Variants in ROBO1 observed in about 807,000 individuals in gnomAD.
ROBO1 encodes the protein roundabout guidance receptor 1.
A neutral mutation model predicts 195.9 loss-of-function variants in ROBO1; 149 were observed. The observed-to-expected ratio is 0.76, with a 90% CI of 0.67 to 0.87. The LOEUF (loss-of-function observed/expected upper bound fraction) is 0.87. ROBO1 is among the 40% of genes least tolerant of loss of function. The probability of loss-of-function intolerance (pLI) is 0.00; values close to 1 mark genes in which losing one functional copy is unlikely to be tolerated. For missense variants in ROBO1, 1,933 were observed against 2,068.3 expected (o/e 0.93, Z 1.27); for synonymous variants, 816 against 733.2 (o/e 1.11, Z -1.82).
chr3:79,362,170 A>C (rs1339242439), intron 2 of ROBO1, among the ~76,000 whole-genome samples: 1 of 152,138 alleles, frequency 6.6e-6, no homozygotes, highest in African/African-American at 2.4e-5. Flanking sequence ...TGTGTATCTA[A>C]GACACAGACA....
rs146960360 is a variant in ROBO1 at position 78,609,047 on chromosome 3, T to C, written c.4436-2006A>G. ...ACCAGAGATACAGGGATTTTGGAAT[T>C]ATCAGCATAGCTATGTTTTTAAGTC... is the stretch of plus-strand genomic sequence containing the variant. On this transcript the variant is annotated intron_variant, in intron 28 of 30. Coordinates refer to ENST00000464233, the MANE Select transcript of ROBO1 (RefSeq NM_002941.4). Among the ~76,000 whole-genome samples, 20 of 152,330 alleles carry C rather than the reference T, an allele frequency of 1.3e-4. No homozygotes were observed. In the East Asian group the frequency reaches 3.1e-3, roughly 24 times the overall value.
At chr3:79,612,034 TTA>T (rs1491051819) in intron 1 of ROBO1, among the ~76,000 whole-genome samples, 3 of 131,036 alleles carry the variant, frequency 2.3e-5, no homozygotes, top group South Asian at 2.2e-4. Flanking sequence ...TTTTTTTTTA[TTA>T]TTTTTTTATA....
chr3:79,436,349 A>AT (rs62797160), intron 2 of ROBO1, among the ~76,000 whole-genome samples: 331 of 150,060 alleles, frequency 2.2e-3, no homozygotes, highest in South Asian at 6.3e-3. Flanking sequence ...TTTGATTTGT[A>AT]TTTTTTTTTT....
At chr3:79,619,668 T>C (rs949331070) in intron 1 of ROBO1, among the ~76,000 whole-genome samples, 3 of 152,124 alleles carry the variant, frequency 2.0e-5, no homozygotes, top group African/African-American at 4.8e-5. Flanking sequence ...TTTTCTCTAT[T>C]GGACCTCTCC....
At chr3:79,318,038 G>A (rs962485681) in intron 2 of ROBO1, among the ~76,000 whole-genome samples, 1 of 152,316 alleles carries the variant, frequency 6.6e-6, no homozygotes, top group East Asian at 1.9e-4. Context: ...GCAGGTTGCT[G>A]TAGAAACAGG....
chr3:78,911,915 C>T (rs2038267934), intron 4 of ROBO1, among the ~76,000 whole-genome samples: 1 of 152,000 alleles, frequency 6.6e-6, no homozygotes, highest in Non-Finnish European at 1.5e-5. Flanking sequence ...AATACATGTC[C>T]AGTGAGTCTT....
intron 2 of ROBO1, among the ~76,000 whole-genome samples, chr3:79,268,472 T>C (rs1238474833): frequency 1.3e-5 from 2 of 151,660 alleles, no homozygotes; most frequent in African/African-American, 4.8e-5. Flanking sequence ...ACGTTAACAA[T>C]ATGGTTTGGT....
chr3:79,649,701 T>C (rs537600752), intron 1 of ROBO1, among the ~76,000 whole-genome samples: 1 of 152,120 alleles, frequency 6.6e-6, no homozygotes, highest in Non-Finnish European at 1.5e-5. Context: ...GGTATATCTC[T>C]GAGGGTATCT....
At chr3:78,876,107 G>A (rs1165238952) in intron 4 of ROBO1, among the ~76,000 whole-genome samples, 2 of 152,054 alleles carry the variant, frequency 1.3e-5, no homozygotes, top group African/African-American at 4.8e-5. Flanking sequence ...TCACAGTTAT[G>A]TAGTCAAGAA....
intron 2 of ROBO1, among the ~76,000 whole-genome samples, chr3:79,492,935 C>A (rs992034151): frequency 3.3e-5 from 5 of 151,976 alleles, no homozygotes; most frequent in Non-Finnish European, 7.4e-5. Context: ...CATATCAAAT[C>A]AGAAATTGAG....
chr3:79,560,142 T>C (rs1942855870), intron 2 of ROBO1, among the ~76,000 whole-genome samples: 1 of 151,966 alleles, frequency 6.6e-6, no homozygotes, highest in African/African-American at 2.4e-5. Flanking sequence ...AGAGAATGAA[T>C]GTCAGGACCC....
At chr3:79,397,520 G>C (rs1389233583) in intron 2 of ROBO1, among the ~76,000 whole-genome samples, 1 of 152,052 alleles carries the variant, frequency 6.6e-6, no homozygotes, top group East Asian at 1.9e-4. Context: ...TCAGTGATGA[G>C]ACACAATCTA....
chr3:79,442,118 A>T (rs560188003), intron 2 of ROBO1, among the ~76,000 whole-genome samples: 1 of 152,282 alleles, frequency 6.6e-6, no homozygotes, highest in South Asian at 2.1e-4. Context: ...TAAATAATAA[A>T]ATTCACAGAA....
intron 2 of ROBO1, among the ~76,000 whole-genome samples, chr3:79,388,385 C>A (rs915415856): frequency 6.6e-6 from 1 of 152,066 alleles, no homozygotes; most frequent in Non-Finnish European, 1.5e-5. Context: ...CTCTCTCCCA[C>A]CTCCTGTAAT....
At chr3:79,737,657 A>G (rs1234589300) in intron 1 of ROBO1, among the ~76,000 whole-genome samples, 2 of 25,524 alleles carry the variant, frequency 7.8e-5, no homozygotes, top group South Asian at 4.0e-3. Context: ...TTGTCCTATC[A>G]AAAAAAAAAA....
intron 3 of ROBO1, among the ~76,000 whole-genome samples, chr3:79,094,728 A>C (rs945736882): frequency 2.6e-5 from 4 of 152,066 alleles, no homozygotes; most frequent in Non-Finnish European, 5.9e-5. Context: ...AAACTATGAA[A>C]ACTCTGACTT....
intron 14 of ROBO1, among the ~76,000 whole-genome samples, chr3:78,666,521 A>G (rs1024146560): frequency 1.3e-5 from 2 of 152,202 alleles, no homozygotes; most frequent in Non-Finnish European, 2.9e-5. Context: ...AATTCATTTT[A>G]TAGCTATCAT....
At chr3:79,406,945 G>T (rs958520300) in intron 2 of ROBO1, among the ~76,000 whole-genome samples, 1 of 151,884 alleles carries the variant, frequency 6.6e-6, no homozygotes, top group African/African-American at 2.4e-5. Context: ...TTGAGACAGA[G>T]TCTGGCTCTG....
intron 3 of ROBO1, among the ~76,000 whole-genome samples, chr3:78,963,966 C>G (rs2041540543): frequency 6.6e-6 from 1 of 152,154 alleles, no homozygotes; most frequent in Non-Finnish European, 1.5e-5. Context: ...TTCCTCACAG[C>G]TCTGGAGGTT....
Sources: gnomAD v4.1 joint callset for allele counts (sites outside exome capture counted in the v4.1 genomes callset) on GRCh38, gnomAD v4.1.1 for gene constraint, MANE v1.5 for transcripts, NCBI Gene and HGNC (gene_info 2026-07-23, HGNC 2026-07-21) for gene names.